The following GPC6 variants were observed in gnomAD, a reference collection of about 807,000 sequenced individuals.
The protein encoded by GPC6 is glypican-6.
GPC6 carries 14 observed loss-of-function variants against 55.2 expected under a neutral mutation model. That is an observed-to-expected ratio of 0.25 (90% CI 0.17 to 0.40). The LOEUF (loss-of-function observed/expected upper bound fraction) is 0.40, where lower values mean the gene tolerates loss of function less well. GPC6 is among the 10% of genes least tolerant of loss of function. The pLI, the probability that GPC6 is intolerant of heterozygous loss-of-function variation, is 1.00. For missense variants in GPC6, 641 were observed against 708.5 expected, an observed-to-expected ratio of 0.90 and a Z score of 1.08; for synonymous variants, 278 against 259.6, an observed-to-expected ratio of 1.07 and a Z score of -0.68.
At chr13:93,324,440 G>A (rs1879566699) in intron 1 of GPC6, among the ~76,000 whole-genome samples, 1 of 151,382 alleles carries the variant, frequency 6.6e-6, no homozygotes, top group Non-Finnish European at 1.5e-5. Flanking sequence ...TGGATTGTTT[G>A]TAACACAAAG....
chr13:93,593,386 A>C (rs949818991), intron 2 of GPC6, among the ~76,000 whole-genome samples: 3 of 152,154 alleles, frequency 2.0e-5, no homozygotes, highest in Non-Finnish European at 2.9e-5. Flanking sequence ...CTTCTGCGTA[A>C]TATTGGGATC....
At chr13:94,055,074 G>T in intron 4 of GPC6, among the ~76,000 whole-genome samples, 1 of 152,070 alleles carries the variant, frequency 6.6e-6, no homozygotes, top group East Asian at 1.9e-4. Flanking sequence ...CTTTATTCTC[G>T]TCCTGTGTTT....
intron 2 of GPC6, 93 bp downstream of exon 2, chr13:93,545,514 G>T (rs1874741276): frequency 2.9e-6 from 3 of 1,035,874 alleles, no homozygotes; most frequent in Non-Finnish European, 4.6e-6. Context: ...TAAAAAGGGA[G>T]CTTTTCTATC....
intron 3 of GPC6, among the ~76,000 whole-genome samples, chr13:93,909,192 G>A (rs1050412143): frequency 3.9e-5 from 6 of 152,096 alleles, no homozygotes; most frequent in South Asian, 4.2e-4. Flanking sequence ...ATACAGGTAC[G>A]GACAACTTCA....
intron 7 of GPC6, among the ~76,000 whole-genome samples, chr13:94,394,482 C>A (rs985773627): frequency 1.3e-5 from 2 of 152,124 alleles, no homozygotes; most frequent in African/African-American, 4.8e-5. Context: ...TGTGCAAAAC[C>A]CAATAAAAGG....
chr13:94,028,115 A>G (rs1882972906), intron 4 of GPC6, among the ~76,000 whole-genome samples: 1 of 152,120 alleles, frequency 6.6e-6, no homozygotes, highest in Admixed American at 6.5e-5. Context: ...AAAATAAAAA[A>G]TAAGCTGGGC....
chr13:93,597,243 T>G (rs1344147575), intron 2 of GPC6, among the ~76,000 whole-genome samples: 1 of 152,122 alleles, frequency 6.6e-6, no homozygotes, highest in Non-Finnish European at 1.5e-5. Context: ...ATAGGCACAC[T>G]ATGTCCTAAT....
chr13:94,182,067 C>G (rs1361986224), intron 4 of GPC6, among the ~76,000 whole-genome samples: 1 of 152,198 alleles, frequency 6.6e-6, no homozygotes, highest in Non-Finnish European at 1.5e-5. Context: ...TAGTTGGCCC[C>G]TCCTCTCCCA....
intron 1 of GPC6, among the ~76,000 whole-genome samples, chr13:93,325,457 A>C (rs1286613183): frequency 6.6e-6 from 1 of 152,168 alleles, no homozygotes; most frequent in Non-Finnish European, 1.5e-5. Context: ...ACTCAGTAAG[A>C]GAGGAACACA....
At position 93,242,075 on chromosome 13, in the gene GPC6, T is replaced by A. The variant is rs182640608; in HGVS notation, c.160+14459T>A. Among the ~76,000 whole-genome samples the A allele has an allele frequency of 7.2e-3, 1,102 of 152,304 alleles. 14 individuals are homozygous for A. The highest frequency in any genetic ancestry group is 0.025 in the African/African-American group (1,029 of 41,554). On this transcript the variant is annotated intron_variant, in intron 1 of 8. Coordinates refer to ENST00000377047, the MANE Select transcript of GPC6 (RefSeq NM_005708.5). ...AGCTTATTTTATTCCTCTTGATGTG[T>A]ACTTTTTTCCCCAGTATTTTTTCAG...
intron 2 of GPC6, among the ~76,000 whole-genome samples, chr13:93,609,967 C>T (rs1273107861): frequency 6.6e-6 from 1 of 152,102 alleles, no homozygotes; most frequent in Non-Finnish European, 1.5e-5. Flanking sequence ...TCAGTACCTC[C>T]CTGCCTTTTC....
At chr13:93,702,414 G>A (rs991834996) in intron 2 of GPC6, among the ~76,000 whole-genome samples, 1 of 151,944 alleles carries the variant, frequency 6.6e-6, no homozygotes, top group Non-Finnish European at 1.5e-5. Flanking sequence ...ACAGTGTAAA[G>A]TTAGCATCAT....
At chr13:94,377,750 T>A (rs1380522455) in intron 6 of GPC6, among the ~76,000 whole-genome samples, 1 of 152,202 alleles carries the variant, frequency 6.6e-6, no homozygotes, top group Non-Finnish European at 1.5e-5. Flanking sequence ...TGCACACGTA[T>A]GTTTACTGTG....
chr13:93,690,663 A>G lies in GPC6; in HGVS notation c.320-139491A>G, dbSNP rs566748450. Among the ~76,000 whole-genome samples the G allele has an allele frequency of 1.7e-4, 26 of 152,162 alleles. No homozygotes were observed. In the South Asian group the frequency reaches 4.4e-3, roughly 26 times the overall value. ...CACATTTCCACAGAAAGCTATGGCA[A>G]AGGAGCAGGTAGAATTTCATTCTCT... On this transcript the variant is annotated intron_variant, in intron 2 of 8. Transcript: ENST00000377047.
chr13:94,337,250 A>G (rs1877755207), intron 6 of GPC6, among the ~76,000 whole-genome samples: 1 of 152,116 alleles, frequency 6.6e-6, no homozygotes, highest in South Asian at 2.1e-4. Flanking sequence ...ATTTTCATGT[A>G]TTGAAGCCTT....
At chr13:94,072,220 A>G (rs529312254) in intron 4 of GPC6, among the ~76,000 whole-genome samples, 70 of 152,330 alleles carry the variant, frequency 4.6e-4, no homozygotes, top group Admixed American at 7.8e-4. Context: ...TATATAACCT[A>G]TGCACAATTA....
chr13:93,609,965 TC>T (rs886952600), intron 2 of GPC6, among the ~76,000 whole-genome samples: 3 of 152,192 alleles, frequency 2.0e-5, no homozygotes, highest in African/African-American at 7.2e-5. Flanking sequence ...ATTCAGTACC[TC>T]CCTGCCTTTT....
intron 2 of GPC6, among the ~76,000 whole-genome samples, 197 bp downstream of exon 2, chr13:93,545,618 C>G (rs1874747309): frequency 6.6e-6 from 1 of 150,642 alleles, no homozygotes; most frequent in African/African-American, 2.4e-5. Context: ...TTGGTAAAAC[C>G]TGGTTTAACA....
intron 1 of GPC6, among the ~76,000 whole-genome samples, chr13:93,351,845 A>C (rs765922368): frequency 2.3e-4 from 35 of 152,144 alleles, no homozygotes; most frequent in Non-Finnish European, 4.9e-4. Context: ...TCTGAGTAAC[A>C]CTTGGGATTT....
Sources: gnomAD v4.1 joint callset for allele counts (sites outside exome capture counted in the v4.1 genomes callset) on GRCh38, gnomAD v4.1.1 for gene constraint, MANE v1.5 for transcripts, NCBI Gene and HGNC (gene_info 2026-07-23, HGNC 2026-07-21) for gene names.